The following DNER variants were observed in gnomAD, a reference collection of about 807,000 sequenced individuals.
DNER encodes delta/notch like EGF repeat containing, also known as delta and Notch-like epidermal growth factor-related receptor.
Under a neutral mutation model 78.2 loss-of-function variants are expected in DNER, and 33 were observed. The observed-to-expected ratio is 0.42, with a 90% CI of 0.32 to 0.56. DNER has a LOEUF of 0.56. Ranked by LOEUF, DNER falls within the 20% of genes least tolerant of loss-of-function variation. The probability of loss-of-function intolerance (pLI) is 0.11; values close to 1 mark genes in which losing one functional copy is unlikely to be tolerated. For missense variants in DNER, 918 were observed against 975.3 expected, an observed-to-expected ratio of 0.94 and a Z score of 0.78; for synonymous variants, 417 against 384.8, an observed-to-expected ratio of 1.08 and a Z score of -0.98.
chr2:229,644,188 A>G (rs985276649), intron 1 of DNER, among the ~76,000 whole-genome samples: 10 of 152,126 alleles, frequency 6.6e-5, no homozygotes, highest in Admixed American at 3.3e-4. Flanking sequence ...GTATATATTT[A>G]TGAGGTACAT....
chr2:229,372,827 T>C (rs1052646951), intron 11 of DNER, among the ~76,000 whole-genome samples: 1 of 151,948 alleles, frequency 6.6e-6, no homozygotes, highest in African/African-American at 2.4e-5. Flanking sequence ...ATGTGAGTGC[T>C]GTGTTAGGGG....
intron 11 of DNER, among the ~76,000 whole-genome samples, chr2:229,384,884 G>C (rs1482932445): frequency 6.6e-6 from 1 of 152,014 alleles, no homozygotes; most frequent in East Asian, 1.9e-4. Flanking sequence ...CAATAGAAAA[G>C]AGGGACTCCT....
intron 1 of DNER, among the ~76,000 whole-genome samples, chr2:229,643,208 C>A (rs1243452219): frequency 6.6e-6 from 1 of 151,856 alleles, no homozygotes; most frequent in African/African-American, 2.4e-5. Context: ...GAGAGTGAGC[C>A]CCTGTCTCAA....
intron 1 of DNER, among the ~76,000 whole-genome samples, chr2:229,685,051 C>G (rs1699461227): frequency 6.6e-6 from 1 of 152,130 alleles, no homozygotes; most frequent in South Asian, 2.1e-4. Flanking sequence ...CATTCTCAGG[C>G]ATGTTTTTAT....
At chr2:229,462,034 C>T (rs1305945071) in intron 7 of DNER, among the ~76,000 whole-genome samples, 1 of 152,144 alleles carries the variant, frequency 6.6e-6, no homozygotes, top group Non-Finnish European at 1.5e-5. Context: ...ACAAAAGAAA[C>T]CTACTGAAGA....
chr2:229,543,268 C>T (rs1014414141), intron 5 of DNER, among the ~76,000 whole-genome samples: 1 of 152,154 alleles, frequency 6.6e-6, no homozygotes, highest in South Asian at 2.1e-4. Flanking sequence ...GCTTTTGATT[C>T]GCTTTTTTTC....
At chr2:229,613,986 T>C (rs1401493363) in intron 1 of DNER, among the ~76,000 whole-genome samples, 2 of 124,738 alleles carry the variant, frequency 1.6e-5, no homozygotes, top group Non-Finnish European at 3.2e-5. Context: ...TGAGAACACA[T>C]GGACACAGGA....
At chr2:229,588,287 G>T (rs1216740989) in intron 3 of DNER, 107 bp downstream of exon 3, 2 of 974,694 alleles carry the variant, frequency 2.1e-6, no homozygotes, top group African/African-American at 1.6e-5. Flanking sequence ...ATCTGTTCAC[G>T]ATTCTCACTT....
At chr2:229,681,844 AC>A in intron 1 of DNER, among the ~76,000 whole-genome samples, 1 of 151,196 alleles carries the variant, frequency 6.6e-6, no homozygotes, top group East Asian at 1.9e-4. Context: ...ACACACACAC[AC>A]ACACACACAC....
At chr2:229,574,441 T>C (rs889865506) in intron 4 of DNER, among the ~76,000 whole-genome samples, 1 of 151,988 alleles carries the variant, frequency 6.6e-6, no homozygotes, top group East Asian at 1.9e-4. Flanking sequence ...GATTTATATT[T>C]ATTAACATAA....
chr2:229,521,035 G>A (rs750899856), intron 5 of DNER, among the ~76,000 whole-genome samples: 4 of 152,220 alleles, frequency 2.6e-5, no homozygotes, highest in Non-Finnish European at 4.4e-5. Context: ...CCCAGCCCCA[G>A]CCTTGGCGGA....
rs186135393 is a variant in DNER, at chr2:229,642,181, G to C, written c.277-50293C>G. ...TTGATTTTCCTAGTATTGGGAATAA[G>C]GTTTCATTCAAAGGGGGAAAGTACC... On this transcript the variant is annotated intron_variant, in intron 1 of 12. Coordinates refer to ENST00000341772, the MANE Select transcript of DNER (RefSeq NM_139072.4). Among the ~76,000 whole-genome samples the C allele has an allele frequency of 9.9e-5, 15 of 152,224 alleles. No individual in the cohort carries two copies. In the East Asian group the frequency reaches 2.9e-3, roughly 29 times the overall value.
At chr2:229,584,452 CA>C (rs1199318436) in intron 4 of DNER, among the ~76,000 whole-genome samples, 6 of 152,126 alleles carry the variant, frequency 3.9e-5, no homozygotes, top group African/African-American at 1.2e-4. Flanking sequence ...ACGAAGGCAC[CA>C]GAGTTCCAAG....
chr2:229,532,228 A>T (rs1696316646), intron 5 of DNER, among the ~76,000 whole-genome samples: 1 of 152,130 alleles, frequency 6.6e-6, no homozygotes. Flanking sequence ...CGCTCAGAAA[A>T]GGAAGGTTTC....
chr2:229,388,826 C>A (rs73098234), intron 10 of DNER, among the ~76,000 whole-genome samples: 4,475 of 151,716 alleles, frequency 0.029, 97 homozygotes, highest in African/African-American at 0.06. Flanking sequence ...TCATCAGCTG[C>A]ATCTCGTTAT....
At chr2:229,499,835 C>G (rs1695578152) in intron 6 of DNER, among the ~76,000 whole-genome samples, 1 of 151,782 alleles carries the variant, frequency 6.6e-6, no homozygotes, top group African/African-American at 2.4e-5. Flanking sequence ...TAAAGAATTG[C>G]TATTTCAAAT....
At chr2:229,512,603 A>G (rs1358626967) in intron 6 of DNER, among the ~76,000 whole-genome samples, 180 bp downstream of exon 6, 1 of 152,134 alleles carries the variant, frequency 6.6e-6, no homozygotes, top group East Asian at 1.9e-4. Context: ...AAGATCACAA[A>G]TTGGGTTCAG....
chr2:229,563,401 A>ATCC (rs1697005990), intron 4 of DNER, among the ~76,000 whole-genome samples: 2 of 133,640 alleles, frequency 1.5e-5, no homozygotes, highest in East Asian at 2.3e-4. Flanking sequence ...CATCATCATC[A>ATCC]TCACCCCATC....
intron 9 of DNER, among the ~76,000 whole-genome samples, chr2:229,410,016 G>C (rs769679478): frequency 1.3e-5 from 2 of 151,942 alleles, no homozygotes; most frequent in South Asian, 4.2e-4. Flanking sequence ...AGGTCCCTAG[G>C]CCCCCTCTTC....
Sources: allele counts gnomAD v4.1 joint callset (sites outside exome capture counted in the v4.1 genomes callset), GRCh38; gene constraint gnomAD v4.1.1; transcripts MANE v1.5; gene names NCBI Gene and HGNC (gene_info 2026-07-23, HGNC 2026-07-21).